NRG3: variants seen among roughly 807,000 people sequenced by gnomAD.
NRG3 encodes the protein neuregulin 3.
In NRG3, 31 loss-of-function variants were observed where a neutral mutation model predicts 66.9. That is an observed-to-expected ratio of 0.46 (90% confidence interval 0.35 to 0.63). The LOEUF is 0.63. Ranked by LOEUF, NRG3 falls within the 20% of genes least tolerant of loss-of-function variation. The pLI is 0.00. For synonymous variants in NRG3, 393 were observed against 359.4 expected, an observed-to-expected ratio of 1.09 and a Z score of -1.06; for missense variants, 910 against 878.9, an observed-to-expected ratio of 1.04 and a Z score of -0.45.
chr10:82,316,102 A>C (rs1404221318), intron 1 of NRG3, among the ~76,000 whole-genome samples: 1 of 152,184 alleles, frequency 6.6e-6, no homozygotes, highest in Non-Finnish European at 1.5e-5. Flanking sequence ...GCATTCCCTC[A>C]GAGACTTCTA....
chr10:82,182,077 T>C (rs1001336954), intron 1 of NRG3, among the ~76,000 whole-genome samples: 5 of 151,202 alleles, frequency 3.3e-5, no homozygotes, highest in African/African-American at 7.3e-5. Context: ...CCTGCTCTAT[T>C]TTTTTTTCTT....
chr10:82,289,264 G>A (rs2079591529), intron 1 of NRG3, among the ~76,000 whole-genome samples: 1 of 149,400 alleles, frequency 6.7e-6, no homozygotes, highest in African/African-American at 2.4e-5. Flanking sequence ...CAGGGAATGA[G>A]GTGAGTAGTA....
chr10:82,090,884 G>A (rs1486757019), intron 1 of NRG3, among the ~76,000 whole-genome samples: 1 of 152,124 alleles, frequency 6.6e-6, no homozygotes, highest in African/African-American at 2.4e-5. Context: ...TATGTGTTGT[G>A]TTAGAAAAGG....
intron 2 of NRG3, among the ~76,000 whole-genome samples, chr10:82,585,757 G>A (rs2046632254): frequency 6.6e-6 from 1 of 152,110 alleles, no homozygotes; most frequent in Non-Finnish European, 1.5e-5. Flanking sequence ...TCTCTGCTCA[G>A]CCTCCTTCAA....
chr10:82,336,677 C>T (rs966634096), intron 1 of NRG3, among the ~76,000 whole-genome samples: 1 of 152,034 alleles, frequency 6.6e-6, no homozygotes, highest in Non-Finnish European at 1.5e-5. Context: ...TGCCCACCAC[C>T]ACATCTGGCT....
Position 82,347,342 on chromosome 10 carries a change from A to T in NRG3, c.824-11397A>T, listed in dbSNP as rs149090707. 1.6e-3 allele frequency among the ~76,000 whole-genome samples: 241 copies of T among 151,892 alleles called. 7 individuals are homozygous for T. The East Asian group carries it at 0.044, about 28-fold the overall frequency. ...GTTATGTACCCAGTAGTCATTCAGG[A>T]GCAGGTTGTTCAGTTTCCATGAAGT... On this transcript the variant is annotated intron_variant, in intron 1 of 8. Coordinates refer to ENST00000372141, the MANE Select transcript of NRG3 (RefSeq NM_001010848.4).
intron 4 of NRG3, among the ~76,000 whole-genome samples, chr10:82,894,283 A>G (rs1843439832): frequency 6.6e-6 from 1 of 152,220 alleles, no homozygotes; most frequent in Non-Finnish European, 1.5e-5. Flanking sequence ...CACATTAAAT[A>G]ATAAAGGAGA....
At chr10:81,948,452 A>T (rs1182774824) in intron 1 of NRG3, among the ~76,000 whole-genome samples, 1 of 152,198 alleles carries the variant, frequency 6.6e-6, no homozygotes, top group Non-Finnish European at 1.5e-5. Context: ...GGTTCTGGCC[A>T]TGTGAGGATT....
intron 1 of NRG3, among the ~76,000 whole-genome samples, chr10:82,028,920 A>G (rs543256732): frequency 6.6e-6 from 1 of 152,204 alleles, no homozygotes; most frequent in South Asian, 2.1e-4. Flanking sequence ...GAATCAAAAA[A>G]CTATGTGTCC....
chr10:82,885,486 T>C (rs970872708), intron 4 of NRG3, among the ~76,000 whole-genome samples: 8 of 152,358 alleles, frequency 5.3e-5, no homozygotes, highest in Admixed American at 6.5e-5. Flanking sequence ...CTATAACAAG[T>C]TGCAATTTCT....
chr10:82,982,357 T>C (rs1170005072), intron 8 of NRG3, among the ~76,000 whole-genome samples: 1 of 152,214 alleles, frequency 6.6e-6, no homozygotes, highest in East Asian at 1.9e-4. Context: ...ACAGACAAGA[T>C]GCATTTGTAA....
At chr10:82,312,490 C>A (rs2081079996) in intron 1 of NRG3, among the ~76,000 whole-genome samples, 1 of 152,202 alleles carries the variant, frequency 6.6e-6, no homozygotes, top group African/African-American at 2.4e-5. Context: ...TTACCTGTAT[C>A]TTCTACCTCA....
chr10:82,032,126 T>TA, intron 1 of NRG3, among the ~76,000 whole-genome samples: 1 of 149,108 alleles, frequency 6.7e-6, no homozygotes, highest in Non-Finnish European at 1.5e-5. Context: ...TTTTTTTTTT[T>TA]TATTTCCAAT....
intron 1 of NRG3, among the ~76,000 whole-genome samples, chr10:82,140,729 C>CA (rs1218065071): frequency 2.7e-5 from 4 of 150,902 alleles, no homozygotes; most frequent in Admixed American, 6.6e-5. Flanking sequence ...GACCCCGTCT[C>CA]AAAAAAATAA....
At chr10:82,274,501 A>G (rs991831813) in intron 1 of NRG3, among the ~76,000 whole-genome samples, 4 of 152,018 alleles carry the variant, frequency 2.6e-5, no homozygotes, top group African/African-American at 4.8e-5. Flanking sequence ...GAAAATTGCT[A>G]TAATCTATTG....
intron 2 of NRG3, among the ~76,000 whole-genome samples, chr10:82,688,415 C>T (rs548512410): frequency 6.6e-6 from 1 of 152,198 alleles, no homozygotes; most frequent in South Asian, 2.1e-4. Flanking sequence ...CCTAAAAAAT[C>T]CCAGGAATTG....
chr10:82,020,215 G>A (rs1365647111), intron 1 of NRG3, among the ~76,000 whole-genome samples: 3 of 152,132 alleles, frequency 2.0e-5, no homozygotes, highest in Non-Finnish European at 4.4e-5. Flanking sequence ...AATCAGAACA[G>A]AGCCAAAGAT....
chr10:82,514,903 C>T (rs917551671), intron 2 of NRG3, among the ~76,000 whole-genome samples: 11 of 151,780 alleles, frequency 7.2e-5, no homozygotes, highest in African/African-American at 2.7e-4. Context: ...TTCTTTTTGC[C>T]GTGTTAAATG....
At chr10:82,919,918 A>T (rs1320179234) in intron 4 of NRG3, among the ~76,000 whole-genome samples, 1 of 151,796 alleles carries the variant, frequency 6.6e-6, no homozygotes, top group Non-Finnish European at 1.5e-5. Context: ...TGATAGTGAG[A>T]ATGAAAAAAA....
Sources: allele counts gnomAD v4.1 joint callset (sites outside exome capture counted in the v4.1 genomes callset), GRCh38; gene constraint gnomAD v4.1.1; transcripts MANE v1.5; gene names NCBI Gene and HGNC (gene_info 2026-07-23, HGNC 2026-07-21).